PLA2G4A: variants seen among roughly 807,000 people sequenced by gnomAD.
PLA2G4A encodes the protein phospholipase A2 group IVA.
In PLA2G4A, 40 loss-of-function variants were observed where a neutral mutation model predicts 81.9. The observed-to-expected ratio is 0.49, with a 90% CI of 0.38 to 0.64. The LOEUF is 0.64. Ranked by LOEUF, PLA2G4A falls within the 30% of genes least tolerant of loss-of-function variation. PLA2G4A has a pLI of 0.00. For synonymous variants in PLA2G4A, 302 were observed against 296.9 expected (o/e 1.02, Z -0.18); for missense variants, 715 against 905.1 (o/e 0.79, Z 2.69).
At chr1:186,974,673 G>T (rs544070903) in intron 15 of PLA2G4A, among the ~76,000 whole-genome samples, 2 of 152,302 alleles carry the variant, frequency 1.3e-5, no homozygotes, top group South Asian at 4.1e-4. Flanking sequence ...AGCTATCATA[G>T]AACACAATTC....
At chr1:186,833,149 T>C (rs966056829) in intron 1 of PLA2G4A, among the ~76,000 whole-genome samples, 1 of 152,150 alleles carries the variant, frequency 6.6e-6, no homozygotes, top group African/African-American at 2.4e-5. Context: ...CTTACACCTG[T>C]AATCCCAACA....
At chr1:186,958,531 C>T (rs1040217149) in intron 14 of PLA2G4A, among the ~76,000 whole-genome samples, 2 of 152,082 alleles carry the variant, frequency 1.3e-5, no homozygotes, top group South Asian at 2.1e-4. Flanking sequence ...CTATAGAAAG[C>T]GAAGATCAAA....
intron 1 of PLA2G4A, among the ~76,000 whole-genome samples, chr1:186,832,371 C>T (rs1353513142): frequency 2.0e-5 from 3 of 151,998 alleles, no homozygotes; most frequent in African/African-American, 4.8e-5. Flanking sequence ...AAAATGTTGT[C>T]TTCTCAATTG....
intron 17 of PLA2G4A, among the ~76,000 whole-genome samples, chr1:186,981,727 T>C (rs1657725212): frequency 6.6e-6 from 1 of 152,118 alleles, no homozygotes; most frequent in Admixed American, 6.6e-5. Flanking sequence ...TAAGTCCCCA[T>C]TTCCCCTGCA....
chr1:186,924,470 A>G (rs1176621503), intron 7 of PLA2G4A, among the ~76,000 whole-genome samples: 2 of 152,128 alleles, frequency 1.3e-5, no homozygotes, highest in Non-Finnish European at 2.9e-5. Flanking sequence ...GGTCTTTATC[A>G]TGCCTCTTTG....
chr1:186,905,027 G>GT (rs1051261177), intron 5 of PLA2G4A, among the ~76,000 whole-genome samples: 6 of 152,082 alleles, frequency 3.9e-5, no homozygotes, highest in African/African-American at 1.4e-4. Flanking sequence ...GATAATTTTT[G>GT]TATTTTTAGT....
chr1:186,927,544 G>C (rs142140048), intron 7 of PLA2G4A, among the ~76,000 whole-genome samples: 1 of 152,286 alleles, frequency 6.6e-6, no homozygotes, highest in Admixed American at 6.5e-5. Context: ...TCTGGAATTA[G>C]AGTAGTAAAG....
At chr1:186,856,251 A>G (rs535506483) in intron 2 of PLA2G4A, among the ~76,000 whole-genome samples, 1 of 151,400 alleles carries the variant, frequency 6.6e-6, no homozygotes, top group Non-Finnish European at 1.5e-5. Context: ...ATCTTTAACT[A>G]TCTCAGTAAT....
intron 10 of PLA2G4A, among the ~76,000 whole-genome samples, chr1:186,944,367 C>G (rs74137541): frequency 0.021 from 3,193 of 152,062 alleles, 123 homozygotes; most frequent in African/African-American, 0.074. Context: ...TACTATGTGC[C>G]CAGGCCATGG....
intron 7 of PLA2G4A, among the ~76,000 whole-genome samples, chr1:186,920,321 C>A (rs1057015932): frequency 1.3e-5 from 2 of 152,264 alleles, no homozygotes; most frequent in South Asian, 4.1e-4. Flanking sequence ...AACTGGTGAA[C>A]TATCTCATGT....
chr1:186,938,836 G>A (rs185462943), intron 8 of PLA2G4A, among the ~76,000 whole-genome samples, 172 bp from the exon 9 acceptor site: 4 of 152,206 alleles, frequency 2.6e-5, no homozygotes, highest in Admixed American at 2.0e-4. Flanking sequence ...TGGTAGACTA[G>A]CTCCTGTCTG....
intron 15 of PLA2G4A, among the ~76,000 whole-genome samples, chr1:186,975,979 T>C (rs1038683490): frequency 1.3e-5 from 2 of 152,216 alleles, no homozygotes; most frequent in African/African-American, 4.8e-5. Flanking sequence ...AGCCTATCTC[T>C]TATGCTTAGA....
At chr1:186,914,609 G>A (rs1430913879) in intron 7 of PLA2G4A, among the ~76,000 whole-genome samples, 2 of 152,158 alleles carry the variant, frequency 1.3e-5, no homozygotes. Context: ...AATTAGAACA[G>A]AACAGAATAG....
At chr1:186,879,460 T>A (rs1038629852) in intron 3 of PLA2G4A, among the ~76,000 whole-genome samples, 12 of 151,746 alleles carry the variant, frequency 7.9e-5, no homozygotes, top group African/African-American at 2.7e-4. Flanking sequence ...CTTTATGGAG[T>A]GTGTAATTTA....
chr1:186,963,082 A>G (rs888225882), intron 14 of PLA2G4A, among the ~76,000 whole-genome samples: 2 of 152,206 alleles, frequency 1.3e-5, no homozygotes, highest in Admixed American at 6.5e-5. Flanking sequence ...TAAGAGTCGT[A>G]TAAGAATAGT....
intron 12 of PLA2G4A, among the ~76,000 whole-genome samples, chr1:186,950,418 AG>A: frequency 6.6e-6 from 1 of 152,280 alleles, no homozygotes; most frequent in East Asian, 1.9e-4. Context: ...ATCCTCTTTA[AG>A]TCATGAATTA....
At chr1:186,830,608 C>CAAAAAAAAA (rs55745208) in intron 1 of PLA2G4A, among the ~76,000 whole-genome samples, 8 of 72,688 alleles carry the variant, frequency 1.1e-4, no homozygotes, top group African/African-American at 2.2e-4. Flanking sequence ...AGCTCTGTCT[C>CAAAAAAAAA]AAAAAAAAAA....
chr1:186,938,148 G>T (rs1420245750), intron 8 of PLA2G4A, among the ~76,000 whole-genome samples: 1 of 152,036 alleles, frequency 6.6e-6, no homozygotes, highest in Admixed American at 6.6e-5. Flanking sequence ...AGTCACTGAG[G>T]CTAAAAAAGA....
chr1:186,968,400 ATGTGTGTGTGTGTGTGTGTGTGTGTG>A (rs58475951), intron 15 of PLA2G4A, among the ~76,000 whole-genome samples: 1 of 137,418 alleles, frequency 7.3e-6, no homozygotes, highest in African/African-American at 2.8e-5. Flanking sequence ...CGCGGTGTGT[ATGTGTGTGTGTGTGTGTGTGTGTGTG>A]TGTGTGTATG....
Sources: allele counts gnomAD v4.1 joint callset (sites outside exome capture counted in the v4.1 genomes callset), GRCh38; gene constraint gnomAD v4.1.1; transcripts MANE v1.5; gene names NCBI Gene and HGNC (gene_info 2026-07-23, HGNC 2026-07-21).